DLC1: variants seen among roughly 807,000 people sequenced by gnomAD.
The protein encoded by DLC1 is DLC1 Rho GTPase activating protein.
DLC1 carries 54 observed loss-of-function variants against 140.3 expected under a neutral mutation model. The ratio of observed to expected loss-of-function variants is 0.38; its 90% confidence interval spans 0.31 to 0.48. The LOEUF (loss-of-function observed/expected upper bound fraction) is 0.48, where lower values mean the gene tolerates loss of function less well. Among genes scored for constraint, DLC1 ranks in the 20% least tolerant of loss-of-function variants. The pLI, the probability that DLC1 is intolerant of heterozygous loss-of-function variation, is 0.96. For missense variants in DLC1, 2,536 were observed against 1,907.0 expected, an observed-to-expected ratio of 1.33 and a Z score of -6.14; for synonymous variants, 986 against 728.1, an observed-to-expected ratio of 1.35 and a Z score of -5.70.
At chr8:13,294,324 A>T (rs1021582997) in intron 5 of DLC1, among the ~76,000 whole-genome samples, 1 of 152,156 alleles carries the variant, frequency 6.6e-6, no homozygotes, top group Non-Finnish European at 1.5e-5. Flanking sequence ...GATTGTTAAA[A>T]GCTGTTGGAA....
chr8:13,479,817 G>GAAA, intron 2 of DLC1, among the ~76,000 whole-genome samples: 1 of 32,750 alleles, frequency 3.1e-5, no homozygotes, highest in East Asian at 1.7e-3. Context: ...AGAAGAAGAA[G>GAAA]AAGAAGAAGA....
chr8:13,247,468 C>T (rs1563196119), intron 5 of DLC1, among the ~76,000 whole-genome samples: 1 of 152,158 alleles, frequency 6.6e-6, no homozygotes, highest in East Asian at 1.9e-4. Flanking sequence ...TTTAGTGACT[C>T]ATTTAATTCT....
intron 5 of DLC1, among the ~76,000 whole-genome samples, chr8:13,139,360 T>C (rs1822808124): frequency 6.7e-6 from 1 of 148,180 alleles, no homozygotes; most frequent in African/African-American, 2.5e-5. Flanking sequence ...CTGTTGTGCC[T>C]GGGAAAATGT....
intron 4 of DLC1, among the ~76,000 whole-genome samples, chr8:13,307,532 C>T (rs1217980331): frequency 6.6e-6 from 1 of 152,068 alleles, no homozygotes. Flanking sequence ...TAAGTCTAGC[C>T]CCTAAATTTA....
chr8:13,356,740 C>T (rs1396768787), intron 4 of DLC1, among the ~76,000 whole-genome samples: 1 of 152,150 alleles, frequency 6.6e-6, no homozygotes, highest in African/African-American at 2.4e-5. Flanking sequence ...TTTCTGAAAG[C>T]CATGTGGCTA....
chr8:13,249,670 C>T (rs111264944), intron 5 of DLC1, among the ~76,000 whole-genome samples: 57 of 152,316 alleles, frequency 3.7e-4, no homozygotes, highest in African/African-American at 1.3e-3. Context: ...TCTTTTACAG[C>T]AACGTTCCCT....
At chr8:13,359,690 T>G (rs1438651471) in intron 4 of DLC1, among the ~76,000 whole-genome samples, 1 of 152,116 alleles carries the variant, frequency 6.6e-6, no homozygotes, top group Non-Finnish European at 1.5e-5. Flanking sequence ...ATTTAAGGAA[T>G]TTTCAAAGTA....
At chr8:13,122,833 G>A (rs1424198780) in intron 5 of DLC1, among the ~76,000 whole-genome samples, 1 of 151,350 alleles carries the variant, frequency 6.6e-6, no homozygotes, top group Non-Finnish European at 1.5e-5. Flanking sequence ...AAGCTTCTGG[G>A]AGACTGGTCA....
chr8:13,513,548 G>A (rs544902170), intron 1 of DLC1, among the ~76,000 whole-genome samples: 123 of 151,994 alleles, frequency 8.1e-4, no homozygotes, highest in African/African-American at 2.9e-3. Context: ...AGTATATTTT[G>A]TATTCATCTA....
At chr8:13,189,238 C>T (rs181274674) in intron 5 of DLC1, among the ~76,000 whole-genome samples, 98 of 152,214 alleles carry the variant, frequency 6.4e-4, no homozygotes, top group Non-Finnish European at 1.1e-3. Flanking sequence ...AGATTCATTT[C>T]GTTTGTTTGT....
intron 1 of DLC1, among the ~76,000 whole-genome samples, chr8:13,579,503 A>ATTATATATTTAATATATTATATTTTC (rs1563454315): frequency 2.3e-5 from 1 of 44,250 alleles, no homozygotes; most frequent in African/African-American, 5.8e-5. Flanking sequence ...ATTATATTTT[A>ATTATATATTTAATATATTATATTTTC]TATTATATAT....
At chr8:13,158,271 A>G (rs1824407080) in intron 5 of DLC1, among the ~76,000 whole-genome samples, 1 of 152,220 alleles carries the variant, frequency 6.6e-6, no homozygotes, top group Non-Finnish European at 1.5e-5. Flanking sequence ...TGGGAGCCAT[A>G]TTCAGTGAAA....
intron 1 of DLC1, among the ~76,000 whole-genome samples, chr8:13,536,726 A>G (rs1803298291): frequency 1.3e-5 from 2 of 152,190 alleles, no homozygotes. Context: ...ACAGGGATCT[A>G]GAACCATTAG....
In DLC1 at chr8:13,395,854, TTG is replaced by T. The variant is rs756430603; in HGVS notation, c.1174-2163_1174-2162del. ...GGCCATGTCTTCTTCTTCTTCTTCT[TTG>T]TTTTTTTGCATAGAAAAGACAAACT... On this transcript the variant is annotated intron_variant, in intron 3 of 17. Coordinates refer to ENST00000276297, the MANE Select transcript of DLC1 (RefSeq NM_182643.3). Among the ~76,000 whole-genome samples, 674 of 151,380 alleles carry T rather than the reference TTG, an allele frequency of 4.5e-3. 4 individuals carry two copies. Among genetic ancestry groups the T allele is most frequent in the Non-Finnish European group, 7.0e-3 (472 of 67,836 alleles).
At chr8:13,315,274 G>T (rs1832822830) in intron 4 of DLC1, among the ~76,000 whole-genome samples, 1 of 152,142 alleles carries the variant, frequency 6.6e-6, no homozygotes, top group Non-Finnish European at 1.5e-5. Context: ...ATACATACAT[G>T]TTAATAATAA....
In DLC1 at chr8:13,568,907, G is replaced by A. The variant is rs541343983; in HGVS notation, c.-126+35630C>T. Among the ~76,000 whole-genome samples the A allele has an allele frequency of 5.3e-5, 8 of 152,222 alleles. No homozygotes were observed. In the East Asian group the frequency reaches 1.4e-3, roughly 26 times the overall value. On this transcript the variant is annotated intron_variant, in intron 1 of 1. Transcript: ENST00000631382. ...GGAAAAATGTAAGTAAATAATGAATGGATATAGGGTACTCCTTGAAATATT... is the reference window on the plus strand; with the variant it reads ...GGAAAAATGTAAGTAAATAATGAATAGATATAGGGTACTCCTTGAAATATT...
At chr8:13,379,602 T>G (rs1417634643) in intron 4 of DLC1, among the ~76,000 whole-genome samples, 1 of 152,206 alleles carries the variant, frequency 6.6e-6, no homozygotes, top group South Asian at 2.1e-4. Context: ...TCATTGTAAA[T>G]TGGGGACCCT....
intron 1 of DLC1, among the ~76,000 whole-genome samples, chr8:13,564,076 T>A (rs1407493358): frequency 5.9e-5 from 9 of 152,148 alleles, no homozygotes; most frequent in Non-Finnish European, 1.2e-4. Flanking sequence ...TTTTCTTTTT[T>A]AAAAATCTGC....
intron 5 of DLC1, among the ~76,000 whole-genome samples, chr8:13,164,730 A>G (rs1824977270): frequency 6.6e-6 from 1 of 152,140 alleles, no homozygotes. Flanking sequence ...ATTATATTTT[A>G]CTTCTGAGAC....
Sources: gnomAD v4.1 joint callset for allele counts (sites outside exome capture counted in the v4.1 genomes callset) on GRCh38, gnomAD v4.1.1 for gene constraint, MANE v1.5 for transcripts, NCBI Gene and HGNC (gene_info 2026-07-23, HGNC 2026-07-21) for gene names.